Variants in AOAH observed in about 807,000 individuals in gnomAD.
The protein encoded by AOAH is acyloxyacyl hydrolase.
AOAH carries 64 observed loss-of-function variants against 92.2 expected under a neutral mutation model. The observed-to-expected ratio is 0.69, with a 90% CI of 0.57 to 0.86. The LOEUF is 0.86. AOAH is among the 40% of genes least tolerant of loss of function. The pLI is 0.00. For missense variants in AOAH, 656 were observed against 694.6 expected (o/e 0.94, Z 0.62); for synonymous variants, 263 against 254.5 (o/e 1.03, Z -0.32).
chr7:36,517,168 T>TTCTTTCTTTCTC (rs1783780186), intron 20 of AOAH, among the ~76,000 whole-genome samples: 1 of 49,288 alleles, frequency 2.0e-5, no homozygotes, highest in East Asian at 1.0e-3. Flanking sequence ...CTTTCTTTCT[T>TTCTTTCTTTCTC]TCTTTCTTTC....
At chr7:36,541,646 G>T (rs936803197) in intron 15 of AOAH, among the ~76,000 whole-genome samples, 1 of 152,164 alleles carries the variant, frequency 6.6e-6, no homozygotes, top group African/African-American at 2.4e-5. Flanking sequence ...CCTCAGCGTC[G>T]TACAATAATA....
At chr7:36,713,626 G>A (rs1798923606) in intron 1 of AOAH, among the ~76,000 whole-genome samples, 1 of 152,154 alleles carries the variant, frequency 6.6e-6, no homozygotes, top group African/African-American at 2.4e-5. Context: ...ATAACAAACT[G>A]TCTCTCAGAC....
chr7:36,582,900 A>G (rs564724088), intron 12 of AOAH, among the ~76,000 whole-genome samples: 13 of 151,518 alleles, frequency 8.6e-5, no homozygotes, highest in Non-Finnish European at 1.6e-4. Flanking sequence ...GCTGGAGTGC[A>G]GTGGCATGAT....
At chr7:36,526,182 A>G (rs1299005947) in intron 19 of AOAH, among the ~76,000 whole-genome samples, 1 of 152,218 alleles carries the variant, frequency 6.6e-6, no homozygotes, top group Non-Finnish European at 1.5e-5. Context: ...CTTGCCATAT[A>G]AAATAATACA....
At chr7:36,633,757 G>A (rs1451158840) in intron 5 of AOAH, among the ~76,000 whole-genome samples, 1 of 152,150 alleles carries the variant, frequency 6.6e-6, no homozygotes, top group African/African-American at 2.4e-5. Context: ...TCTAGGCGTG[G>A]GAAGATGGCC....
At chr7:36,602,931 C>A (rs957616875) in intron 11 of AOAH, among the ~76,000 whole-genome samples, 5 of 152,070 alleles carry the variant, frequency 3.3e-5, no homozygotes, top group Non-Finnish European at 4.4e-5. Context: ...CACTTTATAC[C>A]AAGAGGCTGT....
chr7:36,599,032 GT>G, intron 11 of AOAH, among the ~76,000 whole-genome samples: 1 of 152,184 alleles, frequency 6.6e-6, no homozygotes. Context: ...GAGCAACCTA[GT>G]GAGTGTTAGA....
At chr7:36,569,523 T>TCTA (rs1562578540) in intron 13 of AOAH, among the ~76,000 whole-genome samples, 159 of 150,932 alleles carry the variant, frequency 1.1e-3, no homozygotes, top group African/African-American at 3.7e-3. Context: ...CTGTCTATCT[T>TCTA]TCTACCAGAT....
intron 5 of AOAH, among the ~76,000 whole-genome samples, chr7:36,635,047 A>C (rs1235693600): frequency 6.6e-6 from 1 of 152,098 alleles, no homozygotes; most frequent in Non-Finnish European, 1.5e-5. Context: ...GGGAAAGACC[A>C]CCCTTCTCTT....
chr7:36,538,131 G>A (rs1445110755), intron 16 of AOAH, among the ~76,000 whole-genome samples: 1 of 151,400 alleles, frequency 6.6e-6, no homozygotes, highest in African/African-American at 2.4e-5. Flanking sequence ...GGGTTCAAGC[G>A]ATTCTCCTGC....
intron 13 of AOAH, among the ~76,000 whole-genome samples, chr7:36,552,208 A>G (rs1786316614): frequency 6.6e-6 from 1 of 152,136 alleles, no homozygotes. Context: ...CATGTGTCCA[A>G]GTGTTCTCAT....
At chr7:36,687,932 A>G (rs1051676334) in intron 1 of AOAH, among the ~76,000 whole-genome samples, 1 of 152,174 alleles carries the variant, frequency 6.6e-6, no homozygotes, top group Non-Finnish European at 1.5e-5. Flanking sequence ...TGAAGAAACG[A>G]GAGTCTTCTA....
At chr7:36,670,316 G>T (rs777320211) in intron 3 of AOAH, among the ~76,000 whole-genome samples, 53 of 152,274 alleles carry the variant, frequency 3.5e-4, no homozygotes, top group Middle Eastern at 3.4e-3. Context: ...TGAAGAACAT[G>T]CCCAATGAGG....
At chr7:36,537,802 C>T (rs905688322) in intron 16 of AOAH, among the ~76,000 whole-genome samples, 2 of 151,400 alleles carry the variant, frequency 1.3e-5, no homozygotes, top group East Asian at 2.0e-4. Context: ...AGATTACAGG[C>T]GTGAGCCACT....
intron 1 of AOAH, among the ~76,000 whole-genome samples, chr7:36,714,551 T>C (rs1024435690): frequency 6.6e-6 from 1 of 152,186 alleles, no homozygotes; most frequent in Non-Finnish European, 1.5e-5. Context: ...CCAATATCCC[T>C]GATGAACATC....
At chr7:36,594,201 T>G (rs2116805413) in intron 12 of AOAH, 138 bp downstream of exon 12, 1 of 707,324 alleles carries the variant, frequency 1.4e-6, no homozygotes, top group East Asian at 2.5e-5. Flanking sequence ...TCCTACTGTA[T>G]GGTGGATGAA....
chr7:36,608,971 C>T (rs1477400195), intron 11 of AOAH, among the ~76,000 whole-genome samples: 9 of 151,564 alleles, frequency 5.9e-5, no homozygotes, highest in Admixed American at 3.3e-4. Flanking sequence ...AGGGATGGCT[C>T]TTTAGTAGTC....
At position 36,594,207 on chromosome 7, in the gene AOAH, A is replaced by G. The variant is rs539452437; in HGVS notation, c.938+132T>C. 4.1e-5 allele frequency: 30 copies of G among 727,826 alleles called. No homozygotes were observed. In the African/African-American group the frequency reaches 4.9e-4, roughly 12 times the overall value. The allele number at this position is 727,826 out of a possible 1,614,324, so 45.1% of individuals were successfully genotyped here. A position where few individuals can be genotyped will look rare whatever the true frequency, so the allele number is the denominator to read the frequency against. On this transcript the variant is annotated intron_variant, in intron 12 of 20. Transcript: ENST00000617537. ...TGCATTACATCCTACTGTATGGTGG[A>G]TGAACTCAAATTCATGTTCTAGAAG...
chr7:36,669,369 C>A (rs1584075182), intron 3 of AOAH, among the ~76,000 whole-genome samples: 1 of 147,490 alleles, frequency 6.8e-6, no homozygotes, highest in Non-Finnish European at 1.5e-5. Context: ...ATTATATTCC[C>A]CCCCCACCTT....
Sources: gnomAD v4.1 joint callset for allele counts (sites outside exome capture counted in the v4.1 genomes callset) on GRCh38, gnomAD v4.1.1 for gene constraint, MANE v1.5 for transcripts, NCBI Gene and HGNC (gene_info 2026-07-23, HGNC 2026-07-21) for gene names.